MCM5: variants seen among roughly 807,000 people sequenced by gnomAD.
MCM5 encodes DNA replication licensing factor MCM5.
A neutral mutation model predicts 79.9 loss-of-function variants in MCM5; 46 were observed. That is an observed-to-expected ratio of 0.58 (90% CI 0.45 to 0.74). The LOEUF (loss-of-function observed/expected upper bound fraction) is 0.74. Among genes scored for constraint, MCM5 ranks in the 30% least tolerant of loss-of-function variants. The pLI is 0.00. For missense variants in MCM5, 883 were observed against 1,017.0 expected (o/e 0.87, Z 1.79); for synonymous variants, 404 against 390.5 (o/e 1.03, Z -0.41).
chr22:35,443,624 T>A, the MCM5 span, among the ~76,000 whole-genome samples: 1 of 152,234 alleles, frequency 6.6e-6, no homozygotes, highest in Non-Finnish European at 1.5e-5. Context: ...CTGCCTGGAC[T>A]TCTCCCTCAC....
At position 35,414,662 on chromosome 22, in the gene MCM5, T is replaced by A. The variant is rs529589815; in HGVS notation, c.1203+676T>A. Among the ~76,000 whole-genome samples the A allele has an allele frequency of 1.4e-3, 212 of 152,042 alleles. 1 individual carries two copies. The highest frequency in any genetic ancestry group is 2.4e-3 in the Non-Finnish European group (162 of 67,984). ...ATAATAATAATAATAATAGCTAAAA[T>A]GAAGGGCCAGACACTGCTTGAAGTA... On this transcript the variant is annotated intron_variant, in intron 9 of 16. Coordinates refer to ENST00000216122, the MANE Select transcript of MCM5 (RefSeq NM_006739.4).
the MCM5 span, among the ~76,000 whole-genome samples, chr22:35,440,982 G>A: frequency 2.0e-5 from 3 of 151,928 alleles, no homozygotes; most frequent in South Asian, 2.1e-4. Flanking sequence ...GCTTGAACCC[G>A]GGAGGCGGAG....
chr22:35,445,576 C>T, the MCM5 span, among the ~76,000 whole-genome samples: 2 of 151,406 alleles, frequency 1.3e-5, no homozygotes, highest in African/African-American at 4.9e-5. Flanking sequence ...GTGGCGCGAT[C>T]TCAGCTCACT....
rs979218617 is a variant in MCM5 at position 35,424,350 on chromosome 22, C to T, written c.*95C>T. On this transcript the variant is annotated 3_prime_UTR_variant, in exon 17 of 17. Transcript: ENST00000216122. ...AATGTTGCTGGGACCTCTGCCTCCCCACTGCAGCCCTCGAACTTCCCAGGC... is the reference window on the plus strand; with the variant it reads ...AATGTTGCTGGGACCTCTGCCTCCCTACTGCAGCCCTCGAACTTCCCAGGC... The T allele has an allele frequency of 6.8e-6, 6 of 885,484 alleles. No homozygotes were observed. The African/African-American group carries it at 8.4e-5, about 12-fold the overall frequency. 54.9% of individuals were successfully genotyped at this position (885,484 alleles called of 1,614,324 possible). A position where few individuals can be genotyped will look rare whatever the true frequency, so the allele number is the denominator to read the frequency against.
the MCM5 span, among the ~76,000 whole-genome samples, chr22:35,453,356 G>A: frequency 1.8e-4 from 26 of 144,126 alleles, no homozygotes; most frequent in Non-Finnish European, 3.0e-4. Context: ...GAGCAAGCGC[G>A]TCAGAGACAG....
At chr22:35,415,230 C>G (rs1327000296) in intron 9 of MCM5, among the ~76,000 whole-genome samples, 3 of 152,180 alleles carry the variant, frequency 2.0e-5, no homozygotes, top group Non-Finnish European at 4.4e-5. Context: ...AAAGGAAAAA[C>G]AGGTGAAGTT....
intron 4 of MCM5, 73 bp from the exon 5 acceptor site, chr22:35,406,480 G>C: frequency 2.8e-6 from 4 of 1,423,122 alleles, no homozygotes; most frequent in South Asian, 1.3e-5. Flanking sequence ...TCCTGCCCAG[G>C]ATATTTACTG....
rs376131731 is a variant in MCM5, at chr22:35,400,591, C to T, written c.153C>T (p.Phe51=). Residue 51 remains phenylalanine (F), a synonymous_variant, in exon 2 of 17, where the codon TTC becomes TTT. Coordinates refer to ENST00000216122, the MANE Select transcript of MCM5 (RefSeq NM_006739.4). ...GAGTGGGCACCGACCGCACGGGCTT[C>T]ACCTTCAAATACAGGTGCGGCTCCT... ...QYRVGTDRTG[F]TFKYRDELKR... 3.8e-5 allele frequency: 61 copies of T among 1,610,942 alleles called. No individual in the cohort carries two copies. The highest frequency in any genetic ancestry group is 4.9e-5 in the Non-Finnish European group (58 of 1,178,208).
At chr22:35,407,575 A>G (rs1932255086) in intron 5 of MCM5, among the ~76,000 whole-genome samples, 2 of 151,900 alleles carry the variant, frequency 1.3e-5, no homozygotes, top group South Asian at 4.1e-4. Context: ...GACTACCCCC[A>G]GTCTCACTGC....
chr22:35,400,731 G>A (rs1016824676), intron 2 of MCM5, 126 bp downstream of exon 2: 3 of 1,044,058 alleles, frequency 2.9e-6, no homozygotes, highest in African/African-American at 3.2e-5. Flanking sequence ...GCCGGTCCTG[G>A]GTCACAGGGC....
chr22:35,448,362 AGCTTCCCC>A, the MCM5 span, among the ~76,000 whole-genome samples: 1 of 151,528 alleles, frequency 6.6e-6, no homozygotes, highest in African/African-American at 2.4e-5. Context: ...CCGTGGTGGG[AGCTTCCCC>A]ACTGGCCCCC....
chr22:35,402,987 A>G (rs1932105495), intron 2 of MCM5, among the ~76,000 whole-genome samples: 1 of 152,120 alleles, frequency 6.6e-6, no homozygotes, highest in African/African-American at 2.4e-5. Context: ...GACCCCTTCC[A>G]TGGAGCTTTC....
intron 5 of MCM5, 21 bp from the exon 6 acceptor site, chr22:35,408,387 C>T (rs1383301459): frequency 1.2e-6 from 2 of 1,601,152 alleles, no homozygotes; most frequent in East Asian, 2.2e-5. Context: ...TTTGGTGACT[C>T]TTTTCCCTTA....
Position 35,408,486 on chromosome 22 carries a change from G to T in MCM5, c.675G>T (p.Gln225His), listed in dbSNP as rs183229097. 6.2e-6 allele frequency: 10 copies of T among 1,614,238 alleles called. No individual in the cohort carries two copies. The East Asian group carries it at 2.0e-4, about 32-fold the overall frequency. ...MPDKCKCVDF[Q>H]TLKLQELPDA... Reference sequence around the variant, plus strand: ...ACAAATGCAAATGCGTGGACTTCCAGACCCTGAAGCTGCAGGAGCTGCCTG... The same window carrying T: ...ACAAATGCAAATGCGTGGACTTCCATACCCTGAAGCTGCAGGAGCTGCCTG... Residue 225 changes from glutamine (Q) to histidine (H), a missense_variant, in exon 6 of 17, where the codon CAG becomes CAT. This residue lies in a region of MCM5 where 455 missense variants were observed against 517.5 expected (regional missense o/e 0.88). Coordinates refer to ENST00000216122, the MANE Select transcript of MCM5 (RefSeq NM_006739.4).
chr22:35,425,807 G>A (rs1379111659), downstream of MCM5, among the ~76,000 whole-genome samples: 1 of 151,982 alleles, frequency 6.6e-6, no homozygotes, highest in Non-Finnish European at 1.5e-5. Context: ...CCCTGCAGTG[G>A]CAACTTTGCT....
At position 35,406,296 on chromosome 22, in the gene MCM5, A is replaced by AACC. The variant is rs1555903416; in HGVS notation, c.424-257_424-256insACC. 1.5e-4 allele frequency among the ~76,000 whole-genome samples: 18 copies of AACC among 120,910 alleles called. 1 individual carries two copies. Among genetic ancestry groups the AACC allele is most frequent in the Non-Finnish European group, 2.4e-4 (14 of 58,902 alleles). The allele number at this position is 120,910 out of a possible 152,430, so 79.3% of individuals were successfully genotyped here. The stretch of plus-strand genomic sequence containing the variant: ...TGCTTAGTGTATCTCTTGCCCTGCC[A>AACC]CCTCCCCCCCCAATTGTGCTGCGAG... On this transcript the variant is annotated intron_variant, in intron 4 of 16. Transcript: ENST00000216122.
the MCM5 span, among the ~76,000 whole-genome samples, chr22:35,441,070 A>G: frequency 1.3e-5 from 2 of 151,824 alleles, no homozygotes; most frequent in Admixed American, 1.3e-4. Flanking sequence ...AAAAAAAAAA[A>G]AAAAAGTAAG....
At chr22:35,428,645 T>A (rs1400321177), downstream of MCM5, among the ~76,000 whole-genome samples, 1 of 152,150 alleles carries the variant, frequency 6.6e-6, no homozygotes, top group Non-Finnish European at 1.5e-5. Context: ...GGCTGTGTTG[T>A]AAGGTAGTAA....
the MCM5 span, among the ~76,000 whole-genome samples, chr22:35,442,973 T>A: frequency 1.3e-5 from 2 of 152,154 alleles, no homozygotes; most frequent in African/African-American, 4.8e-5. Context: ...GGGTCCTAGC[T>A]CCTGCCCTGG....
Sources: allele counts gnomAD v4.1 joint callset (sites outside exome capture counted in the v4.1 genomes callset), GRCh38; gene constraint gnomAD v4.1.1; regional missense constraint gnomAD v4.1.1; transcripts MANE v1.5; gene names NCBI Gene and HGNC (gene_info 2026-07-23, HGNC 2026-07-21).